HOXB3: variants seen among roughly 807,000 people sequenced by gnomAD.
The protein encoded by HOXB3 is homeobox protein Hox-B3.
Under a neutral mutation model 29.2 loss-of-function variants are expected in HOXB3, and 17 were observed. That is an observed-to-expected ratio of 0.58 (90% CI 0.40 to 0.87). The LOEUF (loss-of-function observed/expected upper bound fraction) is 0.87, where lower values mean the gene tolerates loss of function less well. Among genes scored for constraint, HOXB3 ranks in the 40% least tolerant of loss-of-function variants. HOXB3 has a pLI of 0.00. For missense variants in HOXB3, 637 were observed against 616.3 expected (o/e 1.03, Z -0.35); for synonymous variants, 317 against 285.9 (o/e 1.11, Z -1.10).
At chr17:48,551,293 G>C in intron 4 of HOXB3, 112 bp from the exon 5 acceptor site, 1 of 1,185,982 alleles carries the variant, frequency 8.4e-7, no homozygotes. Context: ...TGGACTCAGA[G>C]CCCCCGCCGC....
chr17:48,558,168 G>A (rs541658366), intron 2 of HOXB3, among the ~76,000 whole-genome samples: 25 of 152,300 alleles, frequency 1.6e-4, no homozygotes, highest in African/African-American at 1.4e-4. Context: ...TTGGGACTGC[G>A]CAGCTTTGCC....
chr17:48,569,033 TTCTC>T (rs1258383591), intron 2 of HOXB3, among the ~76,000 whole-genome samples: 34 of 149,662 alleles, frequency 2.3e-4, no homozygotes, highest in Non-Finnish European at 7.4e-5. Flanking sequence ...CTCCCTTTCT[TTCTC>T]TCTCTCTCTC....
At chr17:48,585,143 G>A (rs1449092203) in intron 1 of HOXB3, among the ~76,000 whole-genome samples, 1 of 152,060 alleles carries the variant, frequency 6.6e-6, no homozygotes, top group Non-Finnish European at 1.5e-5. Flanking sequence ...TTAGACCTGG[G>A]CAAGAGGAGT....
In HOXB3 at chr17:48,552,343, C is replaced by T; in HGVS notation, c.132G>A (p.Glu44=). 6.2e-7 allele frequency: 1 copy of T among 1,614,028 alleles called. No individual in the cohort carries two copies. The highest frequency in any genetic ancestry group is 8.5e-7 in the Non-Finnish European group (1 of 1,179,958). ...AGCAAGCTGAGCGCTGGTAGTCGCC[C>T]TCCAGGTGCGTGGCGGCCTGAAATG... ...QPPFQAATHL[E]GDYQRSACSL... The change falls in exon 4 of 5, where the codon GAG becomes GAA. Residue 44 remains glutamate (E), a synonymous_variant. Transcript: ENST00000498678.
intron 3 of HOXB3, 166 bp downstream of exon 3, chr17:48,555,365 G>GAGAGAGAGA (rs1567949267): frequency 1.3e-4 from 18 of 134,134 alleles, no homozygotes; most frequent in African/African-American, 1.2e-3. Flanking sequence ...AGAGAGAGAG[G>GAGAGAGAGA]GAGGGAGGGA....
At chr17:48,561,848 T>G (rs948606059) in intron 2 of HOXB3, among the ~76,000 whole-genome samples, 3 of 152,202 alleles carry the variant, frequency 2.0e-5, no homozygotes, top group African/African-American at 7.2e-5. Context: ...CCTGGGCATG[T>G]GTATGGAGGG....
Position 48,550,646 on chromosome 17 carries a change from C to T in HOXB3, c.984G>A (p.Glu328=). 2 of 1,525,446 alleles carry T rather than the reference C, an allele frequency of 1.3e-6. No individual in the cohort carries two copies. The highest frequency in any genetic ancestry group is 1.8e-6 in the Non-Finnish European group (2 of 1,139,478). The allele number at this position is 1,525,446 out of a possible 1,614,324, so 94.5% of individuals were successfully genotyped here. The change falls in exon 5 of 5, where the codon GAG becomes GAA. Residue 328 remains glutamate, a synonymous_variant. Coordinates refer to ENST00000498678, the MANE Select transcript of HOXB3 (RefSeq NM_001384749.1). ...TGGCTTGGAGGACGTGCGGCTCATA[C>T]TCGGGCGCCGGGGTCGGAGGGTACT... ...PQKYPPTPAP[E]YEPHVLQANG...
intron 2 of HOXB3, among the ~76,000 whole-genome samples, chr17:48,572,707 T>C (rs1424629838): frequency 2.6e-5 from 4 of 152,090 alleles, no homozygotes; most frequent in Non-Finnish European, 5.9e-5. Flanking sequence ...TACGTTTTTT[T>C]CCCCCAGTGG....
chr17:48,575,304 A>G (rs979619275), intron 1 of HOXB3: 1 of 152,214 alleles, frequency 6.6e-6, no homozygotes, highest in Admixed American at 6.5e-5. Flanking sequence ...TAAAAGCCCC[A>G]AAACAAAACA....
rs1359394376 is a variant in HOXB3, at chr17:48,551,144, G to A, written c.486C>T (p.Gly162=). ...CGCCCCCGCTGCCACCACTGCCTCCGCCGCCGCCGCCACCGCCGCCGCCAC... is the reference window on the plus strand; with the variant it reads ...CGCCCCCGCTGCCACCACTGCCTCCACCGCCGCCGCCACCGCCGCCGCCAC... ...GCGGGGGGGG[G]GGSGGSGGGG... The change falls in exon 5 of 5, where the codon GGC becomes GGT. Residue 162 remains glycine (G), a synonymous_variant. Transcript: ENST00000498678. 1.6e-6 allele frequency: 2 copies of A among 1,288,284 alleles called. No individual in the cohort carries two copies. The highest frequency in any genetic ancestry group is 2.7e-5 in the South Asian group (1 of 37,046). 79.8% of individuals were successfully genotyped at this position (1,288,284 alleles called of 1,614,324 possible). A position where few individuals can be genotyped will look rare whatever the true frequency, so the allele number is the denominator to read the frequency against.
At chr17:48,561,365 T>G (rs1223763452) in intron 2 of HOXB3, among the ~76,000 whole-genome samples, 1 of 152,164 alleles carries the variant, frequency 6.6e-6, no homozygotes, top group African/African-American at 2.4e-5. Context: ...CACTTCCTTC[T>G]AGTTCCACTG....
At position 48,552,375 on chromosome 17, in the gene HOXB3, G is replaced by T. The variant is rs2144743376; in HGVS notation, c.100C>A (p.Gln34Lys). 3 of 1,609,448 alleles carry T rather than the reference G, an allele frequency of 1.9e-6. No homozygotes were observed. The highest frequency in any genetic ancestry group is 2.5e-6 in the Non-Finnish European group (3 of 1,176,688). ...TGCGTGGCGGCCTGAAATGGGGGTT[G>T]GGGGGGGACATCGAAGCCGAAGCCA... ...SNGFGFDVPP[Q>K]PPFQAATHLE... The change falls in exon 4 of 5, where the codon CAA becomes AAA. Residue 34 changes from glutamine (Q) to lysine (K), a missense_variant. Physicochemically the swap from Gln to Lys is moderately conservative, Grantham distance 53 (BLOSUM62 1). Transcript: ENST00000498678.
intron 1 of HOXB3, among the ~76,000 whole-genome samples, chr17:48,589,607 A>C (rs987895655): frequency 2.0e-5 from 3 of 152,054 alleles, no homozygotes; most frequent in Admixed American, 2.0e-4. Flanking sequence ...GGAAAGCCAG[A>C]GATCACCCCA....
Position 48,552,518 on chromosome 17 carries a change from T to G in HOXB3, c.-44A>C, listed in dbSNP as rs369448388. 7 of 1,486,888 alleles carry G rather than the reference T, an allele frequency of 4.7e-6. No individual in the cohort carries two copies. The highest frequency in any genetic ancestry group is 6.4e-6 in the Non-Finnish European group (7 of 1,097,940). 92.1% of individuals were successfully genotyped at this position (1,486,888 alleles called of 1,614,324 possible). On this transcript the variant is annotated 5_prime_UTR_variant, in exon 4 of 5. Transcript: ENST00000498678. ...CAGTGGGTGGCAACTTGGAAAGGCC[T>G]GATACCCTCAGGACCGGACATTGGC...
In HOXB3 at chr17:48,550,276, A is replaced by C. The variant is rs909768134; in HGVS notation, c.*58T>G. 45 of 1,607,374 alleles carry C rather than the reference A, an allele frequency of 2.8e-5. No individual in the cohort carries two copies. The highest frequency in any genetic ancestry group is 8.4e-5 in the Admixed American group (5 of 59,746). On this transcript the variant is annotated 3_prime_UTR_variant, in exon 5 of 5. Coordinates refer to ENST00000498678, the MANE Select transcript of HOXB3 (RefSeq NM_001384749.1). Reference sequence around the variant, plus strand: ...TTTTCAGACCTCCAGGTTGCCCCCCAGAGCTCCACAGTCTCTCTCTTCCTC... The same window carrying C: ...TTTTCAGACCTCCAGGTTGCCCCCCCGAGCTCCACAGTCTCTCTCTTCCTC...
At chr17:48,553,593 C>T (rs1339375059) in intron 3 of HOXB3, 1 of 151,522 alleles carries the variant, frequency 6.6e-6, no homozygotes. Flanking sequence ...AAGTGCTTTC[C>T]AAAAGAGAAA....
chr17:48,576,773 G>A (rs1244021974), intron 1 of HOXB3: 7 of 1,614,012 alleles, frequency 4.3e-6, no homozygotes, highest in Non-Finnish European at 5.1e-6. Flanking sequence ...CTCCGGCTGA[G>A]CCTGCCGCAC....
intron 1 of HOXB3, chr17:48,577,856 C>T: frequency 7.1e-7 from 1 of 1,403,508 alleles, no homozygotes; most frequent in Non-Finnish European, 9.3e-7. Flanking sequence ...GGTGCCCACG[C>T]ACTCACCCGT....
intron 1 of HOXB3, chr17:48,578,208 AG>A (rs1319871129): frequency 6.8e-6 from 11 of 1,613,584 alleles, no homozygotes; most frequent in Non-Finnish European, 9.3e-6. Flanking sequence ...CCGCCGGCGT[AG>A]TACCCGGGCG....
Sources: gnomAD v4.1 joint callset for allele counts (sites outside exome capture counted in the v4.1 genomes callset) on GRCh38, gnomAD v4.1.1 for gene constraint, MANE v1.5 for transcripts, NCBI Gene and HGNC (gene_info 2026-07-23, HGNC 2026-07-21) for gene names.